Variants in WWOX observed in about 807,000 individuals in gnomAD.
WWOX encodes WW domain-containing oxidoreductase.
In WWOX, 69 loss-of-function variants were observed where a neutral mutation model predicts 46.2. The observed-to-expected ratio is 1.49, with a 90% CI of 1.23 to 1.82. The LOEUF (loss-of-function observed/expected upper bound fraction) is 1.82. Ranked by LOEUF, WWOX falls within the 40% of genes most tolerant of loss-of-function variation. The pLI is 0.00. For synonymous variants in WWOX, 359 were observed against 202.6 expected (o/e 1.77, Z -6.56); for missense variants, 919 against 542.6 (o/e 1.69, Z -6.89).
rs139287752 is a variant in WWOX, at chr16:78,221,523, C to G, written c.516+57234C>G. ...ATATTTTTCCTTTTATAAGAAAGGT[C>G]TTGTCTTTCCTCAGAAGGCATTGTG... On this transcript the variant is annotated intron_variant, in intron 5 of 8. Coordinates refer to ENST00000566780, the MANE Select transcript of WWOX (RefSeq NM_016373.4). Among the ~76,000 whole-genome samples, 17 of 152,192 alleles carry G rather than the reference C, an allele frequency of 1.1e-4. 1 individual carries two copies. Among genetic ancestry groups the G allele is most frequent in the Non-Finnish European group, 2.4e-4 (16 of 68,014 alleles).
intron 8 of WWOX, among the ~76,000 whole-genome samples, chr16:78,955,266 C>G (rs1432752729): frequency 2.0e-5 from 3 of 152,156 alleles, no homozygotes; most frequent in Admixed American, 2.0e-4. Flanking sequence ...GATGGACCTC[C>G]ACATGTCCCT....
At chr16:78,231,300 T>C (rs2037253678) in intron 5 of WWOX, among the ~76,000 whole-genome samples, 1 of 152,240 alleles carries the variant, frequency 6.6e-6, no homozygotes, top group Non-Finnish European at 1.5e-5. Context: ...TTCGGCATTT[T>C]CACAGTGTCC....
intron 8 of WWOX, among the ~76,000 whole-genome samples, chr16:78,580,024 A>G (rs1013376639): frequency 1.4e-4 from 22 of 152,074 alleles, no homozygotes; most frequent in Middle Eastern, 3.4e-3. Context: ...TGCTTTTCTC[A>G]AAGCCTATTG....
At chr16:78,208,339 C>A (rs1219873195) in intron 5 of WWOX, among the ~76,000 whole-genome samples, 2 of 152,160 alleles carry the variant, frequency 1.3e-5, no homozygotes, top group Non-Finnish European at 2.9e-5. Context: ...GAAATAAATA[C>A]TCTTGAATTT....
At chr16:78,502,454 C>T (rs1192039851) in intron 8 of WWOX, among the ~76,000 whole-genome samples, 1 of 152,200 alleles carries the variant, frequency 6.6e-6, no homozygotes, top group East Asian at 1.9e-4. Flanking sequence ...TCTCTTGTGT[C>T]TGGTTTCTTC....
intron 5 of WWOX, among the ~76,000 whole-genome samples, chr16:78,332,207 G>C (rs1443874014): frequency 6.6e-6 from 1 of 152,064 alleles, no homozygotes; most frequent in Non-Finnish European, 1.5e-5. Context: ...CTTTTTCCCA[G>C]AAAGACTGGA....
At chr16:78,797,100 G>T (rs1264897297) in intron 8 of WWOX, among the ~76,000 whole-genome samples, 1 of 152,022 alleles carries the variant, frequency 6.6e-6, no homozygotes, top group Non-Finnish European at 1.5e-5. Flanking sequence ...TGTTGGGGTT[G>T]CAGGCGTGAG....
intron 8 of WWOX, among the ~76,000 whole-genome samples, chr16:78,723,324 C>T (rs542953493): frequency 3.4e-4 from 51 of 152,160 alleles, no homozygotes; most frequent in Non-Finnish European, 6.5e-4. Context: ...GCCTTGGGGT[C>T]AGTGTCTGTC....
At chr16:78,293,956 G>A (rs534116022) in intron 5 of WWOX, among the ~76,000 whole-genome samples, 9 of 110,918 alleles carry the variant, frequency 8.1e-5, no homozygotes, top group Non-Finnish European at 1.3e-4. Context: ...TAGCCTGGGC[G>A]ACAGAGTGAG....
At chr16:79,133,816 T>G (rs1008699379) in intron 8 of WWOX, among the ~76,000 whole-genome samples, 7 of 152,222 alleles carry the variant, frequency 4.6e-5, no homozygotes, top group Non-Finnish European at 8.8e-5. Flanking sequence ...TGTAATGAAA[T>G]GACATTGGTC....
At chr16:78,182,959 AAAAAAAAAG>A (rs967166462) in intron 5 of WWOX, among the ~76,000 whole-genome samples, 4 of 149,866 alleles carry the variant, frequency 2.7e-5, no homozygotes, top group African/African-American at 9.8e-5. Context: ...TCAAAAAAAA[AAAAAAAAAG>A]AAAGAAAGAA....
intron 8 of WWOX, among the ~76,000 whole-genome samples, chr16:79,075,817 C>T (rs948243339): frequency 3.3e-5 from 5 of 152,092 alleles, no homozygotes; most frequent in Admixed American, 3.3e-4. Flanking sequence ...ACATATACCT[C>T]GGCAGCCTGT....
chr16:78,547,140 A>AAC (rs1555560702), intron 8 of WWOX, among the ~76,000 whole-genome samples: 193 of 42,370 alleles, frequency 4.6e-3, no homozygotes, highest in African/African-American at 7.6e-3. Context: ...AAAAAAAAAA[A>AAC]AAAAAAAAAA....
At chr16:78,660,018 A>G (rs2047175563) in intron 8 of WWOX, among the ~76,000 whole-genome samples, 1 of 152,136 alleles carries the variant, frequency 6.6e-6, no homozygotes, top group Non-Finnish European at 1.5e-5. Context: ...CTCATTTCCT[A>G]TTATTTTACC....
At chr16:78,357,191 T>C (rs771223809) in intron 5 of WWOX, among the ~76,000 whole-genome samples, 5 of 152,192 alleles carry the variant, frequency 3.3e-5, no homozygotes, top group Non-Finnish European at 5.9e-5. Context: ...GTACTCCTTA[T>C]GAAGGGAGTC....
chr16:78,998,677 C>G (rs1236384168), intron 8 of WWOX, among the ~76,000 whole-genome samples: 2 of 152,158 alleles, frequency 1.3e-5, no homozygotes, highest in Non-Finnish European at 2.9e-5. Flanking sequence ...GCACAGTGCT[C>G]AGCATGCATG....
chr16:78,724,439 C>T (rs1490702447), intron 8 of WWOX, among the ~76,000 whole-genome samples: 1 of 152,128 alleles, frequency 6.6e-6, no homozygotes, highest in Non-Finnish European at 1.5e-5. Flanking sequence ...TGGCTTTTAG[C>T]ACATTGCACC....
chr16:78,833,282 A>G (rs757048657), intron 8 of WWOX, among the ~76,000 whole-genome samples: 4 of 152,104 alleles, frequency 2.6e-5, no homozygotes, highest in Non-Finnish European at 4.4e-5. Context: ...CCTGGCTTCA[A>G]GCAGTCCTCT....
In WWOX at chr16:78,418,920, C is replaced by G. The variant is rs113244824; in HGVS notation, c.606-5950C>G. Among the ~76,000 whole-genome samples, 331 of 151,962 alleles carry G rather than the reference C, an allele frequency of 2.2e-3. 2 individuals are homozygous for G. Among genetic ancestry groups the G allele is most frequent in the African/African-American group, 7.8e-3 (324 of 41,418 alleles). On this transcript the variant is annotated intron_variant, in intron 6 of 8. Transcript: ENST00000566780. Reference sequence around the variant, plus strand: ...TATTCACTCTCATCACTTTAATATTCTACTAGAAATCCTAGCTAGGGAAAT... The same window carrying G: ...TATTCACTCTCATCACTTTAATATTGTACTAGAAATCCTAGCTAGGGAAAT...
Sources: allele counts gnomAD v4.1 joint callset (sites outside exome capture counted in the v4.1 genomes callset), GRCh38; gene constraint gnomAD v4.1.1; transcripts MANE v1.5; gene names NCBI Gene and HGNC (gene_info 2026-07-23, HGNC 2026-07-21).